Variants in ARHGEF17 observed in about 807,000 individuals in gnomAD.
ARHGEF17 encodes Rho guanine nucleotide exchange factor 17, also known as 164 kDa Rho-specific guanine-nucleotide exchange factor.
A neutral mutation model predicts 174.0 loss-of-function variants in ARHGEF17; 80 were observed. The observed-to-expected ratio is 0.46, with a 90% CI of 0.38 to 0.55. ARHGEF17 has a LOEUF of 0.55. ARHGEF17 is among the 20% of genes least tolerant of loss of function. The probability of loss-of-function intolerance (pLI) is 0.00; values close to 1 mark genes in which losing one functional copy is unlikely to be tolerated. For synonymous variants in ARHGEF17, 1,311 were observed against 1,189.1 expected (o/e 1.10, Z -2.11); for missense variants, 2,886 against 2,839.7 (o/e 1.02, Z -0.37).
intron 1 of ARHGEF17, among the ~76,000 whole-genome samples, chr11:73,323,681 A>C (rs1342997199): frequency 6.6e-6 from 1 of 152,232 alleles, no homozygotes; most frequent in Non-Finnish European, 1.5e-5. Context: ...CTTCTCCCCA[A>C]GGCCAGCGGG....
rs1435024654 is a variant in ARHGEF17 at position 73,364,163 on chromosome 11, C to G, written c.5334-9C>G. On this transcript the variant is annotated splice_polypyrimidine_tract_variant and intron_variant, in intron 16 of 20. Transcript: ENST00000263674. ...AACTCCCTTACTGCTTCCTCTTTTC[C>G]CTACCCAGGTATCTGAATAACCAGG... 3.1e-6 allele frequency: 5 copies of G among 1,614,058 alleles called. No individual in the cohort carries two copies. Among genetic ancestry groups the G allele is most frequent in the Middle Eastern group, 3.3e-4 (2 of 6,062 alleles).
intron 2 of ARHGEF17, among the ~76,000 whole-genome samples, chr11:73,348,258 G>A (rs1298000096): frequency 5.9e-5 from 9 of 152,148 alleles, no homozygotes; most frequent in Admixed American, 5.9e-4. Flanking sequence ...TCCACGGTGA[G>A]CCCCTTCTGC....
chr11:73,311,432 C>T lies in ARHGEF17; in HGVS notation c.2794C>T (p.Gln932Ter). The T allele has an allele frequency of 6.2e-7, 1 of 1,613,362 alleles. No homozygotes were observed. The highest frequency in any genetic ancestry group is 8.5e-7 in the Non-Finnish European group (1 of 1,180,032). Residue 932 changes from glutamine (Q) to a stop codon, truncating the protein, a stop_gained, in exon 1 of 21, where the codon CAG becomes TAG. Coordinates refer to ENST00000263674, the MANE Select transcript of ARHGEF17 (RefSeq NM_014786.4). LOFTEE classifies it high-confidence loss of function. ...SKKRPARSSH[Q>*]ELRRDEGSQD... ...GAAGCGCCCAGCTCGGAGTAGTCAC[C>T]AGGAGCTTCGGAGAGACGAGGGCAG...
intron 1 of ARHGEF17, chr11:73,342,917 C>G (rs1865395073): frequency 1.2e-5 from 2 of 164,538 alleles, no homozygotes; most frequent in African/African-American, 2.4e-5. Flanking sequence ...CCTGGCTCGC[C>G]GGGCGCACTC....
In ARHGEF17 at chr11:73,362,429, G is replaced by A; in HGVS notation, c.4695-4G>A. The A allele has an allele frequency of 6.5e-7, 1 of 1,545,924 alleles. No individual in the cohort carries two copies. Among genetic ancestry groups the A allele is most frequent in the Non-Finnish European group, 8.7e-7 (1 of 1,151,464 alleles). ...GCTGTCATCCTCACTCCGTCTTCTC[G>A]CAGGGAGCCTCCTCCGTCGCTGAGG... On this transcript the variant is annotated splice_region_variant and splice_polypyrimidine_tract_variant and intron_variant, in intron 13 of 20. Coordinates refer to ENST00000263674, the MANE Select transcript of ARHGEF17 (RefSeq NM_014786.4).
At chr11:73,357,207 G>A (rs1387935249) in intron 8 of ARHGEF17, 35 bp from the exon 9 acceptor site, 10 of 1,612,972 alleles carry the variant, frequency 6.2e-6, no homozygotes, top group Admixed American at 1.7e-5. Flanking sequence ...CCCACTCCCC[G>A]ACCCTGGCCA....
In ARHGEF17 at chr11:73,368,742, C is replaced by A; in HGVS notation, c.*962C>A. On this transcript the variant is annotated 3_prime_UTR_variant, in exon 21 of 21. Coordinates refer to ENST00000263674, the MANE Select transcript of ARHGEF17 (RefSeq NM_014786.4). Reference sequence around the variant, plus strand: ...CCCCTCTGACCACTGAATCCGTCTCCACACCCCTTCTGCCAAGGGAAGCCC... The same window carrying A: ...CCCCTCTGACCACTGAATCCGTCTCAACACCCCTTCTGCCAAGGGAAGCCC... 1 of 152,586 alleles carries A rather than the reference C, an allele frequency of 6.6e-6. No homozygotes were observed. The allele number at this position is 152,586 out of a possible 1,614,324, so 9.5% of individuals were successfully genotyped here.
At position 73,309,858 on chromosome 11, in the gene ARHGEF17, G is replaced by C; in HGVS notation, c.1220G>C (p.Ser407Thr). 1 of 1,613,242 alleles carries C rather than the reference G, an allele frequency of 6.2e-7. No homozygotes were observed. The highest frequency in any genetic ancestry group is 8.5e-7 in the Non-Finnish European group (1 of 1,180,014). ...CTCAAGGACGACGACCTATGGTCTA[G>C]TAGGGGTTCTGGGGGCTGGGGCGTG... ...ETLKDDDLWS[S>T]RGSGGWGVYR... is the part of the protein sequence containing the mutation. Residue 407 changes from serine (S) to threonine (T), a missense_variant, in exon 1 of 21, where the codon AGT becomes ACT. This residue lies in a region of ARHGEF17 where 1,728 missense variants were observed against 1,461.2 expected (regional missense o/e 1.18). Transcript: ENST00000263674.
chr11:73,317,951 G>T (rs1864955025), intron 1 of ARHGEF17, among the ~76,000 whole-genome samples: 1 of 152,176 alleles, frequency 6.6e-6, no homozygotes, highest in African/African-American at 2.4e-5. Context: ...GGAGTCAGGA[G>T]ATCAGCTTTG....
At chr11:73,349,560 G>A (rs943372308) in intron 2 of ARHGEF17, among the ~76,000 whole-genome samples, 8 of 152,158 alleles carry the variant, frequency 5.3e-5, no homozygotes, top group South Asian at 2.1e-4. Context: ...AGGTTGCAGC[G>A]AGCCGAGATC....
intron 1 of ARHGEF17, among the ~76,000 whole-genome samples, chr11:73,337,147 C>T (rs1591739474): frequency 2.0e-5 from 3 of 152,318 alleles, no homozygotes; most frequent in African/African-American, 7.2e-5. Context: ...ACATGTGGGC[C>T]AGGCGCAGTG....
rs762706139 is a variant in ARHGEF17 at position 73,363,285 on chromosome 11, A to G, written c.5076A>G (p.Pro1692=). 5 of 1,611,560 alleles carry G rather than the reference A, an allele frequency of 3.1e-6. No homozygotes were observed. The Admixed American group carries it at 8.3e-5, about 27-fold the overall frequency. ...AGGAGCAGGAGCCAGGCTTCCTGCC[A>G]CTGTCTGGCTCCTTTGGGCCTGGTG... ...SEEEQEPGFL[P]LSGSFGPGGP... Residue 1692 remains proline (P), a synonymous_variant, in exon 15 of 21, where the codon CCA becomes CCG. Coordinates refer to ENST00000263674, the MANE Select transcript of ARHGEF17 (RefSeq NM_014786.4).
chr11:73,346,625 G>A (rs1281575342), intron 1 of ARHGEF17, among the ~76,000 whole-genome samples: 1 of 152,236 alleles, frequency 6.6e-6, no homozygotes, highest in Non-Finnish European at 1.5e-5. Flanking sequence ...GGCAGGGGCA[G>A]AGGAGTGAGT....
At position 73,308,477 on chromosome 11, in the gene ARHGEF17, T is replaced by G; in HGVS notation, c.-162T>G. 1 of 636,130 alleles carries G rather than the reference T, an allele frequency of 1.6e-6. No homozygotes were observed. The highest frequency in any genetic ancestry group is 2.3e-6 in the Non-Finnish European group (1 of 434,664). 39.4% of individuals were successfully genotyped at this position (636,130 alleles called of 1,614,324 possible). A position where few individuals can be genotyped will look rare whatever the true frequency, so the allele number is the denominator to read the frequency against. ...GTTGCGGCCGGTGGCCACAGAAACT[T>G]GAGCCGCGGCAGAGAAACCTCTGCT... is the stretch of plus-strand genomic sequence containing the variant. On this transcript the variant is annotated 5_prime_UTR_variant, in exon 1 of 21. The change abolishes the stop of an existing upstream ORF in the 5' untranslated region. Transcript: ENST00000263674.
At chr11:73,364,335 C>T in intron 17 of ARHGEF17, 96 bp downstream of exon 17, 1 of 1,601,810 alleles carries the variant, frequency 6.2e-7, no homozygotes, top group Non-Finnish European at 8.5e-7. Context: ...CCCAGGCCCT[C>T]TGTGGGCCTT....
chr11:73,356,278 GGAGTGCC>G lies in ARHGEF17; in HGVS notation c.3771_3777del (p.Ser1257ArgfsTer13), dbSNP rs759062697. On this transcript the variant is annotated frameshift_variant, in exon 6 of 21. Coordinates refer to ENST00000263674, the MANE Select transcript of ARHGEF17 (RefSeq NM_014786.4). LOFTEE classifies it high-confidence loss of function. Reference sequence around the variant, plus strand: ...GCTGAGCGCATCAACAAGGGTGTGCGGAGTGCCGAGGAGGCGGAGCGCCATGCCCGTG... The same window carrying G: ...GCTGAGCGCATCAACAAGGGTGTGCGGAGGAGGCGGAGCGCCATGCCCGTG... The G allele has an allele frequency of 6.2e-7, 1 of 1,613,716 alleles. No homozygotes were observed. The highest frequency in any genetic ancestry group is 8.5e-7 in the Non-Finnish European group (1 of 1,180,024).
intron 1 of ARHGEF17, among the ~76,000 whole-genome samples, chr11:73,329,772 T>G (rs1865175312): frequency 6.6e-6 from 1 of 152,026 alleles, no homozygotes; most frequent in South Asian, 2.1e-4. Flanking sequence ...TATTAACAGG[T>G]ATTTAGGTTT....
chr11:73,309,362 G>A lies in ARHGEF17; in HGVS notation c.724G>A (p.Val242Ile). The A allele has an allele frequency of 6.2e-7, 1 of 1,600,054 alleles. No homozygotes were observed. Among genetic ancestry groups the A allele is most frequent in the Non-Finnish European group, 8.5e-7 (1 of 1,174,144 alleles). Residue 242 changes from valine to isoleucine, a missense_variant, in exon 1 of 21, where the codon GTC becomes ATC. Around this residue, in one of 4 missense-constraint regions of ARHGEF17, gnomAD observed 1,728 missense variants for 1,461.2 expected, o/e 1.18. Coordinates refer to ENST00000263674, the MANE Select transcript of ARHGEF17 (RefSeq NM_014786.4). ...CTCCTCCATCGCCGCCTCCTATCCT[G>A]TCAGCCGCAGTCGTGCTGCCAGCTC... ...SSSSIAASYP[V>I]SRSRAASSSE...
chr11:73,317,738 T>C (rs1176193551), intron 1 of ARHGEF17, among the ~76,000 whole-genome samples: 1 of 152,202 alleles, frequency 6.6e-6, no homozygotes, highest in Non-Finnish European at 1.5e-5. Context: ...TCCCAGGGTC[T>C]CTGGGGCATT....
Sources: gnomAD v4.1 joint callset for allele counts (sites outside exome capture counted in the v4.1 genomes callset) on GRCh38, gnomAD v4.1.1 for gene constraint, gnomAD v4.1.1 regional missense constraint, MANE v1.5 for transcripts, NCBI Gene and HGNC (gene_info 2026-07-23, HGNC 2026-07-21) for gene names.